The following SCARA5 variants were observed in gnomAD, a reference collection of about 807,000 sequenced individuals.
SCARA5 encodes the protein scavenger receptor class A member 5.
SCARA5 carries 45 observed loss-of-function variants against 46.3 expected under a neutral mutation model. That is an observed-to-expected ratio of 0.97 (90% CI 0.76 to 1.24). The LOEUF is 1.24. Ranked by LOEUF, SCARA5 falls within the 50% of genes most tolerant of loss-of-function variation. The pLI is 0.00. For synonymous variants in SCARA5, 333 were observed against 306.5 expected, an observed-to-expected ratio of 1.09 and a Z score of -0.90; for missense variants, 680 against 689.0, an observed-to-expected ratio of 0.99 and a Z score of 0.15.
chr8:27,928,840 A>AT (rs1208960104), intron 3 of SCARA5, among the ~76,000 whole-genome samples: 2 of 151,720 alleles, frequency 1.3e-5, no homozygotes, highest in African/African-American at 4.8e-5. Flanking sequence ...TAGTTTTTGT[A>AT]TTTTTAGTAG....
intron 2 of SCARA5, among the ~76,000 whole-genome samples, chr8:27,978,171 T>G (rs1808556658): frequency 6.7e-6 from 1 of 148,262 alleles, no homozygotes. Context: ...GGATTACAGG[T>G]GCCCACCACC....
intron 3 of SCARA5, among the ~76,000 whole-genome samples, chr8:27,953,221 G>A (rs922398568): frequency 1.3e-5 from 2 of 151,826 alleles, no homozygotes; most frequent in African/African-American, 4.8e-5. Context: ...GGAAAAGGTG[G>A]CCTCTCAGGC....
rs1806646880 is a variant in SCARA5 at position 27,871,987 on chromosome 8, C to T, written c.1435G>A (p.Val479Met). The change falls in exon 9 of 9, where the codon GTG becomes ATG. Residue 479 changes from valine (V) to methionine (M), a missense_variant. By Grantham distance (21) the Val-to-Met change is conservative. This residue lies in a region of SCARA5 where 219 missense variants were observed against 269.5 expected (regional missense o/e 0.81). Coordinates refer to ENST00000354914, the MANE Select transcript of SCARA5 (RefSeq NM_173833.6). ...TCTTCGGCATGTCCACAGTTTGTCA[C>T]CCCCCATTTGGAGAAGCTGCAGCGG... ...IFRCSFSKWGVTNCGHAEDAS... is the reference protein window; with the variant it reads ...IFRCSFSKWGMTNCGHAEDAS... 2.5e-6 allele frequency: 4 copies of T among 1,614,206 alleles called. No homozygotes were observed. The highest frequency in any genetic ancestry group is 3.4e-6 in the Non-Finnish European group (4 of 1,180,026).
chr8:27,950,911 C>T (rs1469560353), intron 3 of SCARA5, among the ~76,000 whole-genome samples: 1 of 150,664 alleles, frequency 6.6e-6, no homozygotes, highest in Non-Finnish European at 1.5e-5. Context: ...TGGACTAAGC[C>T]ATTTATTCCA....
Position 27,957,827 on chromosome 8 carries a change from G to A in SCARA5, c.241+8587C>T, listed in dbSNP as rs529108003. On this transcript the variant is annotated intron_variant, in intron 3 of 8. Transcript: ENST00000354914. ...TGAAAACTATAACTTGCAATCCAGG[G>A]AGGAAGGATTAAAGGGCTAATTAGT... is the stretch of plus-strand genomic sequence containing the variant. Among the ~76,000 whole-genome samples, 260 of 152,354 alleles carry A rather than the reference G, an allele frequency of 1.7e-3. 2 individuals are homozygous for A. The highest frequency in any genetic ancestry group is 5.1e-3 in the African/African-American group (214 of 41,578).
intron 7 of SCARA5, among the ~76,000 whole-genome samples, chr8:27,900,789 GTTTT>G (rs1160056178): frequency 7.9e-5 from 10 of 127,196 alleles, no homozygotes; most frequent in African/African-American, 2.7e-4. Flanking sequence ...TACGTAGCGG[GTTTT>G]TTTTTTTTTT....
chr8:27,915,707 T>A (rs1439492471), intron 4 of SCARA5, among the ~76,000 whole-genome samples: 1 of 152,076 alleles, frequency 6.6e-6, no homozygotes, highest in Non-Finnish European at 1.5e-5. Flanking sequence ...CAGAGATGTA[T>A]TTTTTTTGTC....
At chr8:27,951,062 C>T (rs11987886) in intron 3 of SCARA5, among the ~76,000 whole-genome samples, 31,223 of 152,052 alleles carry the variant, frequency 0.21, 3,304 homozygotes, top group Non-Finnish European at 0.22. Context: ...CCCCACTTTA[C>T]AGATAAGAAA....
chr8:27,891,450 C>T (rs540276527), intron 7 of SCARA5, among the ~76,000 whole-genome samples: 12 of 152,206 alleles, frequency 7.9e-5, no homozygotes, highest in East Asian at 3.9e-4. Context: ...GTGATCTGCC[C>T]GCTTCGGCCT....
At chr8:27,941,209 T>C (rs1438366304) in intron 3 of SCARA5, among the ~76,000 whole-genome samples, 1 of 152,212 alleles carries the variant, frequency 6.6e-6, no homozygotes. Context: ...CAGAATAGAT[T>C]CTAAATAGAA....
intron 3 of SCARA5, among the ~76,000 whole-genome samples, chr8:27,933,054 G>A (rs1807802059): frequency 6.6e-6 from 1 of 152,184 alleles, no homozygotes; most frequent in Non-Finnish European, 1.5e-5. Flanking sequence ...TGGGGGTTAG[G>A]GATTCAACAT....
chr8:27,986,400 C>T (rs1054507083), intron 2 of SCARA5, among the ~76,000 whole-genome samples: 1 of 152,198 alleles, frequency 6.6e-6, no homozygotes, highest in African/African-American at 2.4e-5. Context: ...GCCTCTTCTA[C>T]TGGGATCATA....
chr8:27,889,532 C>T (rs767018166), intron 7 of SCARA5, among the ~76,000 whole-genome samples: 1 of 150,440 alleles, frequency 6.6e-6, no homozygotes, highest in Non-Finnish European at 1.5e-5. Flanking sequence ...AGCCCTCGGG[C>T]CAGTTCTCCA....
At chr8:27,978,857 C>T (rs1000297764) in intron 2 of SCARA5, among the ~76,000 whole-genome samples, 4 of 152,072 alleles carry the variant, frequency 2.6e-5, no homozygotes, top group Non-Finnish European at 4.4e-5. Flanking sequence ...TGGGGTGCCC[C>T]AGCCTCCCAC....
intron 7 of SCARA5, 21 bp downstream of exon 7, chr8:27,904,757 G>T: frequency 6.2e-7 from 1 of 1,609,314 alleles, no homozygotes. Context: ...ATATCCCACG[G>T]CCCCAGCAGA....
intron 8 of SCARA5, among the ~76,000 whole-genome samples, 192 bp downstream of exon 8, chr8:27,879,377 A>G (rs577316838): frequency 2.6e-5 from 4 of 152,180 alleles, no homozygotes; most frequent in Middle Eastern, 3.4e-3. Flanking sequence ...TGTTCTAATC[A>G]TCAGAACTGT....
At chr8:27,890,251 CTCTTT>C (rs1806960639) in intron 7 of SCARA5, among the ~76,000 whole-genome samples, 2 of 152,328 alleles carry the variant, frequency 1.3e-5, no homozygotes, top group Admixed American at 1.3e-4. Flanking sequence ...CCAGATCCTT[CTCTTT>C]TGAGACCACT....
chr8:27,915,737 G>A (rs907291822), intron 4 of SCARA5, among the ~76,000 whole-genome samples: 4 of 152,204 alleles, frequency 2.6e-5, no homozygotes, highest in African/African-American at 9.7e-5. Flanking sequence ...TCACTGGATG[G>A]TTTTGTGACT....
At chr8:27,877,870 G>A (rs1806749776) in intron 8 of SCARA5, among the ~76,000 whole-genome samples, 1 of 152,198 alleles carries the variant, frequency 6.6e-6, no homozygotes, top group East Asian at 1.9e-4. Flanking sequence ...TGAGATCTAT[G>A]GGATGAGATT....
Sources: allele counts gnomAD v4.1 joint callset (sites outside exome capture counted in the v4.1 genomes callset), GRCh38; gene constraint gnomAD v4.1.1; regional missense constraint gnomAD v4.1.1; transcripts MANE v1.5; gene names NCBI Gene and HGNC (gene_info 2026-07-23, HGNC 2026-07-21).